LRRC4C: variants seen among roughly 807,000 people sequenced by gnomAD.
LRRC4C encodes the protein leucine-rich repeat-containing protein 4C.
Under a neutral mutation model 33.6 loss-of-function variants are expected in LRRC4C, and 5 were observed. The observed-to-expected ratio is 0.15, with a 90% CI of 0.08 to 0.31. LRRC4C has a LOEUF of 0.31. Among genes scored for constraint, LRRC4C ranks in the 10% least tolerant of loss-of-function variants. The probability of loss-of-function intolerance (pLI) is 1.00; values close to 1 mark genes in which losing one functional copy is unlikely to be tolerated. For synonymous variants in LRRC4C, 329 were observed against 302.0 expected, an observed-to-expected ratio of 1.09 and a Z score of -0.93; for missense variants, 560 against 796.7, an observed-to-expected ratio of 0.70 and a Z score of 3.58.
intron 3 of LRRC4C, among the ~76,000 whole-genome samples, chr11:40,466,552 T>G (rs1952661789): frequency 6.6e-6 from 1 of 151,962 alleles, no homozygotes; most frequent in Non-Finnish European, 1.5e-5. Flanking sequence ...TTATGTATAC[T>G]TTTTCCTTTA....
chr11:40,707,835 G>T (rs1026741422), intron 2 of LRRC4C, among the ~76,000 whole-genome samples: 1 of 152,086 alleles, frequency 6.6e-6, no homozygotes, highest in Non-Finnish European at 1.5e-5. Flanking sequence ...GAATCCATCT[G>T]GTCCTGGACT....
At chr11:41,165,765 C>T (rs1313274928) in intron 1 of LRRC4C, among the ~76,000 whole-genome samples, 2 of 152,118 alleles carry the variant, frequency 1.3e-5, no homozygotes, top group East Asian at 1.9e-4. Flanking sequence ...CATAGTGGCT[C>T]AGACCTGTAA....
chr11:41,257,183 C>T (rs1025893055), intron 1 of LRRC4C, among the ~76,000 whole-genome samples: 3 of 151,770 alleles, frequency 2.0e-5, no homozygotes, highest in African/African-American at 7.3e-5. Flanking sequence ...CCAGCCATCA[C>T]CCCCTACAAA....
intron 1 of LRRC4C, among the ~76,000 whole-genome samples, chr11:41,093,951 C>T (rs1433529746): frequency 4.2e-5 from 3 of 71,742 alleles, no homozygotes; most frequent in Admixed American, 1.5e-4. Flanking sequence ...AAAAAAAAAA[C>T]ACACAAAAAT....
chr11:40,633,680 G>A (rs1000498847), intron 3 of LRRC4C, among the ~76,000 whole-genome samples: 2 of 151,990 alleles, frequency 1.3e-5, no homozygotes, highest in Non-Finnish European at 2.9e-5. Flanking sequence ...GTAAGCCACC[G>A]TGCTGAGTCC....
chr11:41,135,134 T>G (rs1189306955), intron 1 of LRRC4C, among the ~76,000 whole-genome samples: 1 of 152,142 alleles, frequency 6.6e-6, no homozygotes, highest in East Asian at 1.9e-4. Flanking sequence ...CCATAAGGGT[T>G]GTGAGCATAA....
Position 41,171,115 on chromosome 11 carries a change from A to G in LRRC4C, c.-495-237392T>C, listed in dbSNP as rs556850386. On this transcript the variant is annotated intron_variant, in intron 1 of 6. Coordinates refer to ENST00000528697, the MANE Select transcript of LRRC4C (RefSeq NM_001258419.2). ...AAAGTCAGGAAACAACAGGTGCTGG[A>G]GAGGATGTGGAGAAATAGGAACACT... Among the ~76,000 whole-genome samples, 16 of 152,132 alleles carry G rather than the reference A, an allele frequency of 1.1e-4. No individual in the cohort carries two copies. The East Asian group carries it at 2.9e-3, about 28-fold the overall frequency.
chr11:41,013,092 G>A (rs1316989735), intron 1 of LRRC4C, among the ~76,000 whole-genome samples: 1 of 152,144 alleles, frequency 6.6e-6, no homozygotes, highest in Admixed American at 6.5e-5. Context: ...GACAATGTAG[G>A]TGAAAATGGT....
intron 1 of LRRC4C, among the ~76,000 whole-genome samples, chr11:41,049,075 A>G (rs1303218826): frequency 1.3e-5 from 2 of 152,166 alleles, no homozygotes; most frequent in East Asian, 3.9e-4. Flanking sequence ...ATGGAAATAA[A>G]TCTGATATGG....
At chr11:40,191,799 A>G (rs12283756) in intron 5 of LRRC4C, among the ~76,000 whole-genome samples, 2,994 of 152,174 alleles carry the variant, frequency 0.02, 111 homozygotes, top group African/African-American at 0.068. Context: ...CATCTCTACT[A>G]AAAATGAAAA....
chr11:40,894,761 C>A (rs552851229), intron 2 of LRRC4C, among the ~76,000 whole-genome samples: 1 of 152,212 alleles, frequency 6.6e-6, no homozygotes, highest in East Asian at 1.9e-4. Context: ...CTTCTCTTCA[C>A]CTATCGACAG....
At chr11:41,346,373 T>TA (rs1368647862) in intron 1 of LRRC4C, among the ~76,000 whole-genome samples, 2 of 152,100 alleles carry the variant, frequency 1.3e-5, no homozygotes, top group East Asian at 3.9e-4. Context: ...TAAACAAACA[T>TA]AAAAAAATTA....
intron 4 of LRRC4C, among the ~76,000 whole-genome samples, chr11:40,300,412 T>C (rs1341930388): frequency 1.3e-5 from 2 of 152,158 alleles, no homozygotes; most frequent in Non-Finnish European, 2.9e-5. Context: ...CAAAACGCAT[T>C]CTAAGAAAAA....
intron 1 of LRRC4C, among the ~76,000 whole-genome samples, chr11:41,328,991 G>C (rs1455325615): frequency 1.3e-5 from 2 of 152,122 alleles, no homozygotes; most frequent in Non-Finnish European, 2.9e-5. Flanking sequence ...GCCCAAATGT[G>C]CTTTAAATAT....
At chr11:40,522,187 C>T (rs962357521) in intron 3 of LRRC4C, among the ~76,000 whole-genome samples, 1 of 152,180 alleles carries the variant, frequency 6.6e-6, no homozygotes, top group African/African-American at 2.4e-5. Flanking sequence ...CCATGCCTAG[C>T]TAATTTATAT....
intron 3 of LRRC4C, among the ~76,000 whole-genome samples, chr11:40,627,125 G>C (rs1963015667): frequency 6.8e-6 from 1 of 146,592 alleles, no homozygotes; most frequent in Non-Finnish European, 1.5e-5. Context: ...ACTAGGATGG[G>C]TCTGCAAATT....
chr11:41,237,321 A>C (rs1948066802), intron 1 of LRRC4C, among the ~76,000 whole-genome samples: 1 of 152,204 alleles, frequency 6.6e-6, no homozygotes, highest in Admixed American at 6.5e-5. Context: ...TCAGAGTAGT[A>C]TTCAGGAATT....
At position 40,140,818 on chromosome 11, in the gene LRRC4C, G is replaced by A. The variant is rs1189072869; in HGVS notation, c.-60C>T. 6.6e-6 allele frequency: 1 copy of A among 151,122 alleles called. No individual in the cohort carries two copies. The highest frequency in any genetic ancestry group is 1.5e-5 in the Non-Finnish European group (1 of 67,806). 9.4% of individuals were successfully genotyped at this position (151,122 alleles called of 1,614,324 possible). On this transcript the variant is annotated 5_prime_UTR_variant, in exon 6 of 7. Transcript: ENST00000528697. ...TCACCCACCTAGCTCTCCACTGGGG[G>A]TCTCTATGCTGTAAGTAGGCAGTGC... is the stretch of plus-strand genomic sequence containing the variant.
intron 1 of LRRC4C, among the ~76,000 whole-genome samples, chr11:40,980,189 C>T (rs1189336054): frequency 1.3e-5 from 2 of 152,078 alleles, no homozygotes; most frequent in Admixed American, 1.3e-4. Context: ...TAATATTGGT[C>T]ACAAAAGCAC....
Sources: gnomAD v4.1 joint callset for allele counts (sites outside exome capture counted in the v4.1 genomes callset) on GRCh38, gnomAD v4.1.1 for gene constraint, MANE v1.5 for transcripts, NCBI Gene and HGNC (gene_info 2026-07-23, HGNC 2026-07-21) for gene names.